The following KLHL31 variants were observed in gnomAD, a reference collection of about 807,000 sequenced individuals.
The protein encoded by KLHL31 is kelch like family member 31.
Under a neutral mutation model 47.1 loss-of-function variants are expected in KLHL31, and 32 were observed. That is an observed-to-expected ratio of 0.68 (90% CI 0.51 to 0.91). The LOEUF is 0.91. Among genes scored for constraint, KLHL31 ranks in the 40% least tolerant of loss-of-function variants. KLHL31 has a pLI of 0.00. For missense variants in KLHL31, 797 were observed against 819.3 expected (o/e 0.97, Z 0.33); for synonymous variants, 330 against 325.1 (o/e 1.01, Z -0.16).
chr6:53,651,903 T>G lies in KLHL31; in HGVS notation c.1600A>C (p.Thr534Pro). 1 of 1,592,236 alleles carries G rather than the reference T, an allele frequency of 6.3e-7. No individual in the cohort carries two copies. The highest frequency in any genetic ancestry group is 8.5e-7 in the Non-Finnish European group (1 of 1,175,444). Residue 534 changes from threonine to proline, a missense_variant, in exon 3 of 3, where the codon ACC becomes CCC. Thr to Pro is a conservative substitution (Grantham distance 38, BLOSUM62 -1). Transcript: ENST00000370905. ...GTCGCGGGGCTGTAGCACTCCACGG[T>G]GAGCACGTCCACGCGCTCCCCGCGC... is the stretch of plus-strand genomic sequence containing the variant. ...GPRGERVDVL[T>P]VECYSPATGQ...
Position 53,654,299 on chromosome 6 carries a change from G to A in KLHL31, c.974C>T (p.Pro325Leu). 1 of 1,614,152 alleles carries A rather than the reference G, an allele frequency of 6.2e-7. No individual in the cohort carries two copies. The highest frequency in any genetic ancestry group is 8.5e-7 in the Non-Finnish European group (1 of 1,180,022). Residue 325 changes from proline to leucine, a missense_variant, in exon 2 of 3, where the codon CCA becomes CTA. Transcript: ENST00000370905. ...GCTAAGGGACTTCTCAGTAAGGCCT[G>A]GGCGTCCCCCAACAGTGACGAGGAC... Reference protein sequence around the residue: ...CRVLVTVGGRPGLTEKSLSRD... With the variant: ...CRVLVTVGGRLGLTEKSLSRD...
chr6:53,661,871 C>T (rs1764650812), intron 1 of KLHL31, among the ~76,000 whole-genome samples: 1 of 152,174 alleles, frequency 6.6e-6, no homozygotes, highest in Non-Finnish European at 1.5e-5. Context: ...AGAGTATAAC[C>T]TACATGCTGA....
At position 53,651,727 on chromosome 6, in the gene KLHL31, G is replaced by A; in HGVS notation, c.1776C>T (p.Asn592=). 6.2e-7 allele frequency: 1 copy of A among 1,614,174 alleles called. No homozygotes were observed. Among genetic ancestry groups the A allele is most frequent in the Non-Finnish European group, 8.5e-7 (1 of 1,180,026 alleles). ...GTAGCTCGTCGTCCTCCGTCCACTC[G>A]TTGAGCTCGGGGCTGAAGCACTGGA... ...KCIQCFSPEL[N]EWTEDDELPE... Residue 592 remains asparagine (N), a synonymous_variant, in exon 3 of 3, where the codon AAC becomes AAT. Coordinates refer to ENST00000370905, the MANE Select transcript of KLHL31 (RefSeq NM_001003760.5).
At chr6:53,658,106 A>T (rs1051337870) in intron 1 of KLHL31, among the ~76,000 whole-genome samples, 2 of 152,218 alleles carry the variant, frequency 1.3e-5, no homozygotes, top group Non-Finnish European at 2.9e-5. Context: ...TCAGATATCC[A>T]TCTTGGTGTG....
intron 1 of KLHL31, among the ~76,000 whole-genome samples, chr6:53,664,661 C>T (rs1218226915): frequency 6.6e-6 from 1 of 152,230 alleles, no homozygotes; most frequent in East Asian, 1.9e-4. Flanking sequence ...TTCCCACTGC[C>T]CTGCACCCAT....
At chr6:53,657,377 A>G (rs1561985680) in intron 1 of KLHL31, among the ~76,000 whole-genome samples, 1 of 152,176 alleles carries the variant, frequency 6.6e-6, no homozygotes, top group Non-Finnish European at 1.5e-5. Context: ...CTCCAACATA[A>G]CACTATAGAA....
At chr6:53,653,208 C>T (rs1371968007) in intron 2 of KLHL31, among the ~76,000 whole-genome samples, 2 of 152,152 alleles carry the variant, frequency 1.3e-5, no homozygotes, top group Non-Finnish European at 2.9e-5. Flanking sequence ...GAACTCACTC[C>T]TTCAGTCTGA....
chr6:53,658,791 A>G (rs1764606845), intron 1 of KLHL31, among the ~76,000 whole-genome samples: 1 of 152,178 alleles, frequency 6.6e-6, no homozygotes, highest in African/African-American at 2.4e-5. Context: ...TTCCTTTTCA[A>G]TTATCCATGA....
In KLHL31 at chr6:53,655,609, CTT is replaced by C. The variant is rs11358787; in HGVS notation, c.-33-306_-33-305del. ...TTCTTTCTTTCTTTTTTCTTTTTTT[CTT>C]TTTTTTTTTTTTTGAGACAGAGCCT... On this transcript the variant is annotated intron_variant, in intron 1 of 2. Transcript: ENST00000370905. Among the ~76,000 whole-genome samples, 331 of 114,232 alleles carry C rather than the reference CTT, an allele frequency of 2.9e-3. 1 individual carries two copies. The highest frequency in any genetic ancestry group is 4.1e-3 in the African/African-American group (126 of 30,608). 74.9% of individuals were successfully genotyped at this position (114,232 alleles called of 152,430 possible).
intron 1 of KLHL31, among the ~76,000 whole-genome samples, chr6:53,662,565 C>T (rs1764662792): frequency 6.6e-6 from 1 of 152,170 alleles, no homozygotes; most frequent in African/African-American, 2.4e-5. Context: ...TTCACCTTCC[C>T]TGGCTATGGA....
At chr6:53,653,974 C>CATT in intron 2 of KLHL31, 127 bp downstream of exon 2, 1 of 702,378 alleles carries the variant, frequency 1.4e-6, no homozygotes, top group Non-Finnish European at 2.3e-6. Context: ...CGTAAGGTGG[C>CATT]ATTATTATTA....
Position 53,654,666 on chromosome 6 carries a change from C to T in KLHL31, c.607G>A (p.Ala203Thr). 1 of 1,614,136 alleles carries T rather than the reference C, an allele frequency of 6.2e-7. No homozygotes were observed. Among genetic ancestry groups the T allele is most frequent in the Non-Finnish European group, 8.5e-7 (1 of 1,180,004 alleles). Residue 203 changes from alanine to threonine, a missense_variant, in exon 2 of 3, where the codon GCA (alanine) becomes ACA (threonine). Physicochemically the swap from Ala to Thr is moderately conservative, Grantham distance 58. Coordinates refer to ENST00000370905, the MANE Select transcript of KLHL31 (RefSeq NM_001003760.5). Reference sequence around the variant, plus strand: ...AGTTTCATAAACTGATCCGATTCTGCAAATTCAAGGAAGTTATCCCGAATA... The same window carrying T: ...AGTTTCATAAACTGATCCGATTCTGTAAATTCAAGGAAGTTATCCCGAATA... Reference protein sequence around the residue: ...KFIRDNFLEFAESDQFMKLTF... With the variant: ...KFIRDNFLEFTESDQFMKLTF...
chr6:53,662,625 C>T (rs1267076600), intron 1 of KLHL31, among the ~76,000 whole-genome samples: 1 of 152,192 alleles, frequency 6.6e-6, no homozygotes, highest in Non-Finnish European at 1.5e-5. Flanking sequence ...GTAGAGCAAC[C>T]TCTTGACTAC....
intron 1 of KLHL31, among the ~76,000 whole-genome samples, chr6:53,658,577 G>A (rs1400137761): frequency 6.6e-6 from 1 of 152,130 alleles, no homozygotes; most frequent in Non-Finnish European, 1.5e-5. Context: ...ACCGAGGAGA[G>A]GGTGGAAGGG....
intron 2 of KLHL31, among the ~76,000 whole-genome samples, chr6:53,653,433 A>G (rs1440524476): frequency 1.3e-5 from 2 of 152,230 alleles, no homozygotes; most frequent in Non-Finnish European, 2.9e-5. Context: ...GATTTTCTGA[A>G]CATTTCATAT....
At chr6:53,652,736 G>C (rs192447068) in intron 2 of KLHL31, among the ~76,000 whole-genome samples, 2 of 152,286 alleles carry the variant, frequency 1.3e-5, no homozygotes, top group East Asian at 3.9e-4. Flanking sequence ...GATCAGAGAA[G>C]GGCATCGCCA....
chr6:53,660,025 G>T (rs1197503544), intron 1 of KLHL31, among the ~76,000 whole-genome samples: 5 of 152,012 alleles, frequency 3.3e-5, no homozygotes, highest in Admixed American at 3.3e-4. Context: ...TCCTATTTCT[G>T]TAAGACCCCT....
In KLHL31 at chr6:53,665,719, C is replaced by G. The variant is rs912602666; in HGVS notation, c.-152G>C. On this transcript the variant is annotated 5_prime_UTR_variant, in exon 1 of 3. Transcript: ENST00000370905. ...GAAGGAAAATCCGGTGGGGAGCCAC[C>G]AGCAGCCACCTGACAAGACCCGGCT... 1.3e-5 allele frequency: 2 copies of G among 152,228 alleles called. No homozygotes were observed. Among genetic ancestry groups the G allele is most frequent in the African/African-American group, 2.4e-5 (1 of 41,380 alleles). The allele number at this position is 152,228 out of a possible 1,614,324, so 9.4% of individuals were successfully genotyped here.
chr6:53,663,570 T>C (rs1764677362), intron 1 of KLHL31, among the ~76,000 whole-genome samples: 1 of 152,262 alleles, frequency 6.6e-6, no homozygotes, highest in South Asian at 2.1e-4. Flanking sequence ...AAGCAAATAC[T>C]TTCAATCTCA....
Sources: allele counts gnomAD v4.1 joint callset (sites outside exome capture counted in the v4.1 genomes callset), GRCh38; gene constraint gnomAD v4.1.1; transcripts MANE v1.5; gene names NCBI Gene and HGNC (gene_info 2026-07-23, HGNC 2026-07-21).